ZNF385D: variants seen among roughly 807,000 people sequenced by gnomAD.
ZNF385D encodes the protein zinc finger protein 385D, also known as zinc finger protein 659.
Under a neutral mutation model 35.8 loss-of-function variants are expected in ZNF385D, and 15 were observed. The observed-to-expected ratio is 0.42, with a 90% confidence interval of 0.28 to 0.64. The LOEUF is 0.64. Ranked by LOEUF, ZNF385D falls within the 30% of genes least tolerant of loss-of-function variation. ZNF385D has a pLI of 0.23. For synonymous variants in ZNF385D, 212 were observed against 186.8 expected (o/e 1.13, Z -1.10); for missense variants, 474 against 494.6 (o/e 0.96, Z 0.39).
chr3:21,820,499 T>A (rs1319454770), intron 3 of ZNF385D, among the ~76,000 whole-genome samples: 1 of 151,710 alleles, frequency 6.6e-6, no homozygotes, highest in Non-Finnish European at 1.5e-5. Context: ...ATGCTTGTAT[T>A]TTAAAAAACT....
At chr3:22,107,729 G>A (rs892646793) in intron 3 of ZNF385D, among the ~76,000 whole-genome samples, 1 of 151,988 alleles carries the variant, frequency 6.6e-6, no homozygotes, top group Non-Finnish European at 1.5e-5. Flanking sequence ...TGCATGCGCT[G>A]TATGATGTCA....
chr3:22,021,103 C>T (rs1460670182), intron 3 of ZNF385D, among the ~76,000 whole-genome samples: 3 of 151,646 alleles, frequency 2.0e-5, no homozygotes, highest in South Asian at 2.1e-4. Context: ...TAGGCAGAGA[C>T]GCAAGAGTGA....
chr3:21,693,332 G>A (rs2067346050), intron 1 of ZNF385D, among the ~76,000 whole-genome samples: 1 of 152,190 alleles, frequency 6.6e-6, no homozygotes, highest in Non-Finnish European at 1.5e-5. Flanking sequence ...CAGTGTTACT[G>A]AGCCTAGTTG....
intron 3 of ZNF385D, among the ~76,000 whole-genome samples, chr3:21,952,418 C>T (rs1702107109): frequency 6.6e-6 from 1 of 151,898 alleles, no homozygotes; most frequent in Non-Finnish European, 1.5e-5. Flanking sequence ...CAACATGATA[C>T]AAAATTGTTT....
intron 3 of ZNF385D, among the ~76,000 whole-genome samples, chr3:21,976,992 A>AAATAAT (rs74758944): frequency 3.0e-4 from 46 of 151,862 alleles, no homozygotes; most frequent in Non-Finnish European, 4.4e-4. Flanking sequence ...CATCTCAGGA[A>AAATAAT]AATAATAATA....
chr3:21,481,402 C>A (rs1045967388), intron 4 of ZNF385D, among the ~76,000 whole-genome samples: 1 of 152,126 alleles, frequency 6.6e-6, no homozygotes, highest in Non-Finnish European at 1.5e-5. Flanking sequence ...GACTGTAAAC[C>A]ATTCCCCATA....
At chr3:22,145,643 C>T (rs1704801796) in intron 3 of ZNF385D, among the ~76,000 whole-genome samples, 2 of 152,136 alleles carry the variant, frequency 1.3e-5, no homozygotes, top group Non-Finnish European at 1.5e-5. Flanking sequence ...TTTTGAGTTA[C>T]AAAAACTAGC....
chr3:21,806,209 AT>A (rs111922265), intron 3 of ZNF385D, among the ~76,000 whole-genome samples: 372 of 108,212 alleles, frequency 3.4e-3, no homozygotes, highest in East Asian at 5.9e-3. Flanking sequence ...TAAATTTCTT[AT>A]TTTTTTTTTT....
intron 3 of ZNF385D, chr3:21,511,646 T>G: frequency 2.2e-6 from 1 of 455,374 alleles, no homozygotes; most frequent in South Asian, 1.6e-5. Flanking sequence ...GAAGTTCAAC[T>G]TAGTGTCATT....
chr3:21,734,285 G>GT (rs5847129), intron 1 of ZNF385D, among the ~76,000 whole-genome samples: 114,542 of 148,740 alleles, frequency 0.77, 44,386 homozygotes, highest in East Asian at 0.91. Flanking sequence ...AACACTCAGG[G>GT]TTTTTTTTTT....
At chr3:22,019,726 T>C (rs533271651) in intron 3 of ZNF385D, among the ~76,000 whole-genome samples, 2 of 152,054 alleles carry the variant, frequency 1.3e-5, no homozygotes, top group East Asian at 1.9e-4. Context: ...TATGCTTAGA[T>C]GTATGCCCTC....
At chr3:21,849,329 T>C (rs2125805246) in intron 3 of ZNF385D, among the ~76,000 whole-genome samples, 1 of 152,260 alleles carries the variant, frequency 6.6e-6, no homozygotes, top group East Asian at 1.9e-4. Flanking sequence ...AATGAGCTAA[T>C]ACTTAAAGAG....
intron 2 of ZNF385D, among the ~76,000 whole-genome samples, chr3:22,350,522 T>C (rs796515502): frequency 6.6e-6 from 1 of 152,134 alleles, no homozygotes; most frequent in Non-Finnish European, 1.5e-5. Flanking sequence ...AAGCTATTGA[T>C]TCCAGGCTTG....
chr3:22,039,437 A>G (rs1698532615), intron 3 of ZNF385D, among the ~76,000 whole-genome samples: 1 of 152,090 alleles, frequency 6.6e-6, no homozygotes, highest in Non-Finnish European at 1.5e-5. Flanking sequence ...CATGGCATCC[A>G]GTGCCCTTAT....
At chr3:22,351,743 G>A (rs1467223354) in intron 2 of ZNF385D, among the ~76,000 whole-genome samples, 1 of 151,998 alleles carries the variant, frequency 6.6e-6, no homozygotes, top group Non-Finnish European at 1.5e-5. Context: ...TTCAACACAG[G>A]CTTCAAGTAA....
chr3:22,044,715 T>C (rs1254306787), intron 3 of ZNF385D, among the ~76,000 whole-genome samples: 1 of 151,866 alleles, frequency 6.6e-6, no homozygotes, highest in Non-Finnish European at 1.5e-5. Flanking sequence ...GGAAGGAAGG[T>C]GGAGAGAATG....
At chr3:21,846,220 A>C (rs1016518318) in intron 3 of ZNF385D, among the ~76,000 whole-genome samples, 1 of 151,978 alleles carries the variant, frequency 6.6e-6, no homozygotes, top group Non-Finnish European at 1.5e-5. Context: ...AAGCATTTGA[A>C]AGGTGATTCT....
intron 2 of ZNF385D, among the ~76,000 whole-genome samples, chr3:22,187,384 A>C (rs1372273655): frequency 2.6e-5 from 4 of 152,186 alleles, no homozygotes; most frequent in Non-Finnish European, 4.4e-5. Flanking sequence ...TGGGTGGCTT[A>C]AACTATTTAA....
At chr3:22,340,294 A>G (rs2125477006) in intron 2 of ZNF385D, among the ~76,000 whole-genome samples, 1 of 152,294 alleles carries the variant, frequency 6.6e-6, no homozygotes, top group South Asian at 2.1e-4. Flanking sequence ...AAATGGACAT[A>G]AATAAAGATT....
Sources: allele counts gnomAD v4.1 joint callset (sites outside exome capture counted in the v4.1 genomes callset), GRCh38; gene constraint gnomAD v4.1.1; transcripts MANE v1.5; gene names NCBI Gene and HGNC (gene_info 2026-07-23, HGNC 2026-07-21).